ZSWIM6: variants seen among roughly 807,000 people sequenced by gnomAD.
The protein encoded by ZSWIM6 is zinc finger SWIM-type containing 6.
A neutral mutation model predicts 113.2 loss-of-function variants in ZSWIM6; 9 were observed. The ratio of observed to expected loss-of-function variants is 0.08; its 90% CI spans 0.05 to 0.14. The LOEUF (loss-of-function observed/expected upper bound fraction) is 0.14, where lower values mean the gene tolerates loss of function less well. Among genes scored for constraint, ZSWIM6 ranks in the 10% least tolerant of loss-of-function variants. ZSWIM6 has a pLI of 1.00. For missense variants in ZSWIM6, 1,162 were observed against 1,552.2 expected (o/e 0.75, Z 4.22); for synonymous variants, 611 against 606.5 (o/e 1.01, Z -0.11).
chr5:61,407,923 C>T (rs186156453), intron 1 of ZSWIM6, among the ~76,000 whole-genome samples: 133 of 152,272 alleles, frequency 8.7e-4, no homozygotes, highest in African/African-American at 3.0e-3. Context: ...GGTACAGTCT[C>T]AGTGGAGGAC....
At chr5:61,541,368 T>C (rs1352644323) in intron 12 of ZSWIM6, among the ~76,000 whole-genome samples, 2 of 152,160 alleles carry the variant, frequency 1.3e-5, no homozygotes, top group African/African-American at 2.4e-5. Flanking sequence ...AGGATGATTT[T>C]TTCCCCCATA....
At chr5:61,350,345 C>T (rs1386890090) in intron 1 of ZSWIM6, among the ~76,000 whole-genome samples, 3 of 152,134 alleles carry the variant, frequency 2.0e-5, no homozygotes, top group Admixed American at 1.3e-4. Flanking sequence ...GCTATGTGCA[C>T]TTGTGTGTAT....
intron 1 of ZSWIM6, among the ~76,000 whole-genome samples, chr5:61,467,243 A>G (rs577660387): frequency 7.2e-5 from 11 of 152,344 alleles, no homozygotes; most frequent in Admixed American, 1.3e-4. Context: ...AAAAATATCT[A>G]TATCAAATAA....
chr5:61,452,046 T>C (rs1278322883), intron 1 of ZSWIM6, among the ~76,000 whole-genome samples: 2 of 152,140 alleles, frequency 1.3e-5, no homozygotes, highest in African/African-American at 4.8e-5. Context: ...TTGGAGCCTT[T>C]TGTGTGCCTC....
intron 10 of ZSWIM6, 138 bp downstream of exon 10, chr5:61,535,757 T>G: frequency 1.8e-6 from 2 of 1,118,594 alleles, no homozygotes; most frequent in South Asian, 3.1e-5. Flanking sequence ...CTTCCTGTAT[T>G]GTTGTGGAGG....
chr5:61,528,949 T>C (rs1429186671), intron 7 of ZSWIM6, among the ~76,000 whole-genome samples: 1 of 152,238 alleles, frequency 6.6e-6, no homozygotes, highest in Non-Finnish European at 1.5e-5. Flanking sequence ...TGAAGGAACA[T>C]TGGATTCATG....
intron 1 of ZSWIM6, among the ~76,000 whole-genome samples, chr5:61,372,959 A>G (rs1365002677): frequency 1.3e-5 from 2 of 152,162 alleles, no homozygotes; most frequent in Non-Finnish European, 2.9e-5. Flanking sequence ...AAAATTATAA[A>G]TTATACAAGT....
intron 1 of ZSWIM6, among the ~76,000 whole-genome samples, chr5:61,369,137 C>A (rs1745216594): frequency 6.6e-6 from 1 of 152,202 alleles, no homozygotes; most frequent in African/African-American, 2.4e-5. Flanking sequence ...CTTCATTGGG[C>A]ACTGGATATA....
intron 2 of ZSWIM6, among the ~76,000 whole-genome samples, chr5:61,490,414 A>AT (rs1748148818): frequency 6.6e-6 from 1 of 152,038 alleles, no homozygotes. Flanking sequence ...CTTGTCTCAT[A>AT]TTTTTCTAAA....
chr5:61,344,471 T>G (rs1175783207), intron 1 of ZSWIM6, among the ~76,000 whole-genome samples: 2 of 152,222 alleles, frequency 1.3e-5, no homozygotes, highest in African/African-American at 4.8e-5. Context: ...CAGTTTGTTC[T>G]TTCTTTCTTT....
rs566128484 is a variant in ZSWIM6, at chr5:61,532,183, TAACA to T, written c.2245+462_2245+465del. Reference sequence around the variant, plus strand: ...TTTTGAATGTGTCATACGCACACGCTAACAAACGACTGAGGGCTGTGCGAGTGAA... The same window carrying T: ...TTTTGAATGTGTCATACGCACACGCTAACGACTGAGGGCTGTGCGAGTGAA... On this transcript the variant is annotated intron_variant, in intron 9 of 13. Transcript: ENST00000252744. 1.2e-4 allele frequency among the ~76,000 whole-genome samples: 18 copies of T among 152,318 alleles called. No individual in the cohort carries two copies. The East Asian group carries it at 3.5e-3, about 29-fold the overall frequency.
intron 1 of ZSWIM6, chr5:61,391,491 C>T: frequency 3.0e-6 from 4 of 1,316,194 alleles, no homozygotes; most frequent in Non-Finnish European, 3.3e-6. Context: ...TAAAGGCCTT[C>T]TTCTTAGATT....
intron 4 of ZSWIM6, among the ~76,000 whole-genome samples, chr5:61,507,273 G>A (rs1748649894): frequency 6.6e-6 from 1 of 152,108 alleles, no homozygotes; most frequent in Admixed American, 6.6e-5. Context: ...CCCCACAAAA[G>A]GTACAGCTTT....
intron 5 of ZSWIM6, among the ~76,000 whole-genome samples, chr5:61,523,449 C>T (rs1481113237): frequency 6.6e-6 from 1 of 152,138 alleles, no homozygotes; most frequent in African/African-American, 2.4e-5. Context: ...AAAGTATAGC[C>T]AATTTTATAA....
intron 1 of ZSWIM6, among the ~76,000 whole-genome samples, chr5:61,381,485 G>A (rs562520651): frequency 6.6e-6 from 1 of 152,170 alleles, no homozygotes; most frequent in South Asian, 2.1e-4. Context: ...ATTTAAATAA[G>A]GCAAGGTACA....
chr5:61,530,712 G>C (rs1192323568), intron 8 of ZSWIM6, among the ~76,000 whole-genome samples: 1 of 152,162 alleles, frequency 6.6e-6, no homozygotes, highest in Non-Finnish European at 1.5e-5. Flanking sequence ...TGAAACTTAA[G>C]AATCTTGACT....
chr5:61,482,525 A>G (rs1747899806), intron 2 of ZSWIM6, among the ~76,000 whole-genome samples: 2 of 152,246 alleles, frequency 1.3e-5, no homozygotes, highest in Non-Finnish European at 2.9e-5. Context: ...TTACAGTTAA[A>G]TACATGAATT....
intron 1 of ZSWIM6, among the ~76,000 whole-genome samples, chr5:61,446,335 G>A (rs1561240738): frequency 1.3e-5 from 2 of 152,118 alleles, no homozygotes; most frequent in Admixed American, 6.6e-5. Context: ...TGAAAACTGA[G>A]GTATTAGACA....
chr5:61,437,043 A>T (rs1191157262), intron 1 of ZSWIM6, among the ~76,000 whole-genome samples: 1 of 152,150 alleles, frequency 6.6e-6, no homozygotes, highest in Non-Finnish European at 1.5e-5. Context: ...TTCAAGGCAC[A>T]CACGTTCCCA....
Sources: gnomAD v4.1 joint callset for allele counts (sites outside exome capture counted in the v4.1 genomes callset) on GRCh38, gnomAD v4.1.1 for gene constraint, MANE v1.5 for transcripts, NCBI Gene and HGNC (gene_info 2026-07-23, HGNC 2026-07-21) for gene names.